Variants in JPH2 observed in about 807,000 individuals in gnomAD.
JPH2 encodes junctophilin 2.
In JPH2, 38 loss-of-function variants were observed where a neutral mutation model predicts 55.9. The observed-to-expected ratio is 0.68, with a 90% CI of 0.52 to 0.89. The LOEUF (loss-of-function observed/expected upper bound fraction) is 0.89. Among genes scored for constraint, JPH2 ranks in the 40% least tolerant of loss-of-function variants. The pLI is 0.00. For synonymous variants in JPH2, 480 were observed against 472.4 expected (o/e 1.02, Z -0.21); for missense variants, 964 against 1,037.6 (o/e 0.93, Z 0.97).
At chr20:44,119,216 AACT>A (rs2072217174) in intron 2 of JPH2, among the ~76,000 whole-genome samples, 1 of 152,256 alleles carries the variant, frequency 6.6e-6, no homozygotes, top group African/African-American at 2.4e-5. Flanking sequence ...CAGGTCTGTT[AACT>A]ACTGTAATTT....
At chr20:44,138,435 G>A (rs1489860735) in intron 2 of JPH2, among the ~76,000 whole-genome samples, 1 of 152,128 alleles carries the variant, frequency 6.6e-6, no homozygotes, top group Non-Finnish European at 1.5e-5. Flanking sequence ...CTGGAGTGCA[G>A]TAGTGTGATC....
In JPH2 at chr20:44,115,831, G is replaced by A. The variant is rs1397533355; in HGVS notation, c.1844C>T (p.Ala615Val). The A allele has an allele frequency of 3.1e-6, 5 of 1,599,406 alleles. No homozygotes were observed. The African/African-American group carries it at 4.0e-5, about 13-fold the overall frequency. ...CTCCAGCTTGGCGGGGGTCTCGCGT[G>A]CAGGCTCGGGGCCTCGGAGCGTGGG... ...QAPTLRGPEPARETPAKLEPK... is the reference protein window; with the variant it reads ...QAPTLRGPEPVRETPAKLEPK... The change falls in exon 4 of 6, where the codon GCA becomes GTA. Residue 615 changes from alanine to valine, a missense_variant. By Grantham distance (64) the Ala-to-Val change is moderately conservative (BLOSUM62 0). Transcript: ENST00000372980.
rs866548839 is a variant in JPH2 at position 44,159,937 on chromosome 20, C to T, written c.850G>A (p.Asp284Asn). 3 of 1,609,462 alleles carry T rather than the reference C, an allele frequency of 1.9e-6. No individual in the cohort carries two copies. Among genetic ancestry groups the T allele is most frequent in the South Asian group, 1.1e-5 (1 of 90,204 alleles). ...DEAAPFEADIDATTTETYMGE... is the reference protein window; with the variant it reads ...DEAAPFEADINATTTETYMGE... ...ATGTAGGTCTCGGTGGTGGTGGCGT[C>T]GATATCGGCCTCGAAGGGTGCGGCC... Residue 284 changes from aspartate to asparagine, a missense_variant, in exon 2 of 6, where the codon GAC becomes AAC. Transcript: ENST00000372980. The surrounding 1 kb of genome is among the most constrained non-coding windows in gnomAD (Gnocchi z 5.7).
chr20:44,124,512 C>T (rs1171078455), intron 2 of JPH2, among the ~76,000 whole-genome samples: 1 of 152,118 alleles, frequency 6.6e-6, no homozygotes, highest in Non-Finnish European at 1.5e-5. Flanking sequence ...GCAAACTGAA[C>T]ATCCAAAAAT....
At chr20:44,125,915 G>A (rs1472090402) in intron 2 of JPH2, among the ~76,000 whole-genome samples, 2 of 151,858 alleles carry the variant, frequency 1.3e-5, no homozygotes, top group Non-Finnish European at 2.9e-5. Context: ...TACATAAAAT[G>A]AGAAGTGCAG....
intron 2 of JPH2, among the ~76,000 whole-genome samples, chr20:44,133,743 G>C (rs536499886): frequency 6.0e-5 from 9 of 150,056 alleles, no homozygotes; most frequent in Non-Finnish European, 1.2e-4. Flanking sequence ...TCCCAGGCTG[G>C]TCCTGTTCCA....
chr20:44,186,840 AG>A lies in JPH2; in HGVS notation c.-136del. 2.3e-6 allele frequency: 2 copies of A among 887,430 alleles called. No homozygotes were observed. The highest frequency in any genetic ancestry group is 3.5e-6 in the Non-Finnish European group (2 of 577,230). 55.0% of individuals were successfully genotyped at this position (887,430 alleles called of 1,614,324 possible). A position where few individuals can be genotyped will look rare whatever the true frequency, so the allele number is the denominator to read the frequency against. Reference sequence around the variant, plus strand: ...CACTGCACCCCAGGAGGGGGGAAGCAGGATGCCAGCAGAGGCTGAAAGAGCC... The same window carrying A: ...CACTGCACCCCAGGAGGGGGGAAGCAGATGCCAGCAGAGGCTGAAAGAGCC... On this transcript the variant is annotated 5_prime_UTR_variant, in exon 1 of 6. It removes the in-frame stop codon of an upstream open reading frame in the 5' UTR. Coordinates refer to ENST00000372980, the MANE Select transcript of JPH2 (RefSeq NM_020433.5).
intron 1 of JPH2, chr20:44,177,319 T>A (rs989566256): frequency 1.0e-6 from 1 of 985,966 alleles, no homozygotes; most frequent in Non-Finnish European, 1.2e-6. Context: ...CTCATGAGGG[T>A]GTGGAGGGCA....
intron 2 of JPH2, among the ~76,000 whole-genome samples, chr20:44,130,085 AAAC>A (rs1258433575): frequency 1.3e-5 from 2 of 152,312 alleles, no homozygotes; most frequent in African/African-American, 4.8e-5. Context: ...AAACAAAACA[AAAC>A]AACCTGTGTG....
chr20:44,181,399 C>T (rs1176548888), intron 1 of JPH2, among the ~76,000 whole-genome samples: 1 of 152,204 alleles, frequency 6.6e-6, no homozygotes, highest in Non-Finnish European at 1.5e-5. Flanking sequence ...ATAAATCTTT[C>T]AGAAAATAAT....
chr20:44,144,692 G>A (rs1458372604), intron 2 of JPH2, among the ~76,000 whole-genome samples: 3 of 152,182 alleles, frequency 2.0e-5, no homozygotes, highest in East Asian at 1.9e-4. Context: ...TCAGAGAATC[G>A]GAAGCCCAGC....
At chr20:44,116,845 G>A (rs1320343706) in intron 3 of JPH2, among the ~76,000 whole-genome samples, 1 of 152,232 alleles carries the variant, frequency 6.6e-6, no homozygotes, top group Non-Finnish European at 1.5e-5. Context: ...TAGACCAGCA[G>A]GGGGAGCGCT....
At position 44,115,919 on chromosome 20, in the gene JPH2, C is replaced by T. The variant is rs1244082467; in HGVS notation, c.1756G>A (p.Glu586Lys). Reference protein sequence around the residue: ...PEPPPFEDQPEPEVSGSESAP... With the variant: ...PEPPPFEDQPKPEVSGSESAP... The stretch of plus-strand genomic sequence containing the variant: ...GACTCGGACCCGGAGACCTCGGGCT[C>T]GGGCTGGTCCTCAAAGGGTGGGGGC... The change falls in exon 4 of 6, where the codon GAG becomes AAG. Residue 586 changes from glutamate (E) to lysine (K), a missense_variant. Physicochemically the swap from Glu to Lys is moderately conservative, Grantham distance 56. Coordinates refer to ENST00000372980, the MANE Select transcript of JPH2 (RefSeq NM_020433.5). The T allele has an allele frequency of 3.6e-5, 57 of 1,570,474 alleles. No individual in the cohort carries two copies. Among genetic ancestry groups the T allele is most frequent in the Non-Finnish European group, 4.6e-5 (53 of 1,164,810 alleles).
intron 2 of JPH2, among the ~76,000 whole-genome samples, chr20:44,142,516 C>T (rs1055861333): frequency 3.9e-5 from 6 of 152,126 alleles, no homozygotes; most frequent in African/African-American, 1.4e-4. Flanking sequence ...CTTCCCTGGC[C>T]CCTCCCTCTC....
At chr20:44,181,797 G>C (rs1480354584) in intron 1 of JPH2, among the ~76,000 whole-genome samples, 2 of 152,096 alleles carry the variant, frequency 1.3e-5, no homozygotes, top group African/African-American at 2.4e-5. Context: ...GAATGCCTGC[G>C]TCTGGTCAGC....
Position 44,160,838 on chromosome 20 carries a change from C to A in JPH2, c.380-431G>T, listed in dbSNP as rs1008916644. 2.6e-5 allele frequency among the ~76,000 whole-genome samples: 4 copies of A among 152,170 alleles called. No individual in the cohort carries two copies. Among genetic ancestry groups the A allele is most frequent in the African/African-American group, 9.7e-5 (4 of 41,422 alleles). ...GTGGCTCACGCCTGTAATCCCAGCA[C>A]TTGGGAAGGTGGAGGCGGATGGATC... On this transcript the variant is annotated intron_variant, in intron 1 of 5. Transcript: ENST00000372980. This position sits in a 1 kb window ranked among gnomAD's most constrained non-coding sequence, Gnocchi z 4.9.
rs150353859 is a variant in JPH2 at position 44,153,057 on chromosome 20, A to G, written c.1169+6561T>C. Among the ~76,000 whole-genome samples the G allele has an allele frequency of 2.5e-3, 375 of 152,330 alleles. 2 individuals carry two copies. The highest frequency in any genetic ancestry group is 0.01 in the Middle Eastern group (3 of 294). ...ATGAAGATTAAGACAGTAAGTAGAG[A>G]TGGTGTGTGAAGGTAACAAAAACTG... is the stretch of plus-strand genomic sequence containing the variant. On this transcript the variant is annotated intron_variant, in intron 2 of 5. Coordinates refer to ENST00000372980, the MANE Select transcript of JPH2 (RefSeq NM_020433.5).
chr20:44,175,086 C>T (rs1257196899), intron 1 of JPH2, among the ~76,000 whole-genome samples: 1 of 152,086 alleles, frequency 6.6e-6, no homozygotes, highest in African/African-American at 2.4e-5. Flanking sequence ...AAAGAAAACA[C>T]CTTTGTCCGG....
intron 1 of JPH2, among the ~76,000 whole-genome samples, chr20:44,184,011 T>A (rs1326423505): frequency 2.2e-5 from 3 of 137,318 alleles, no homozygotes; most frequent in Non-Finnish European, 4.7e-5. Flanking sequence ...AAAAAAAAAA[T>A]TAGCCAGGTG....
Sources: allele counts gnomAD v4.1 joint callset (sites outside exome capture counted in the v4.1 genomes callset), GRCh38; gene constraint gnomAD v4.1.1; non-coding constraint Gnocchi (gnomAD v3.1); transcripts MANE v1.5; gene names NCBI Gene and HGNC (gene_info 2026-07-23, HGNC 2026-07-21).